TMC1: variants seen among roughly 807,000 people sequenced by gnomAD.
TMC1 encodes the protein transmembrane channel-like protein 1.
A neutral mutation model predicts 105.8 loss-of-function variants in TMC1; 84 were observed. The ratio of observed to expected loss-of-function variants is 0.79; its 90% CI spans 0.67 to 0.95. The LOEUF (loss-of-function observed/expected upper bound fraction) is 0.95. Among genes scored for constraint, TMC1 ranks in the 40% least tolerant of loss-of-function variants. TMC1 has a pLI of 0.00. For missense variants in TMC1, 817 were observed against 914.1 expected, an observed-to-expected ratio of 0.89 and a Z score of 1.37; for synonymous variants, 315 against 311.5, an observed-to-expected ratio of 1.01 and a Z score of -0.12.
At chr9:72,680,049 T>C (rs79574979) in intron 5 of TMC1, among the ~76,000 whole-genome samples, 5,263 of 152,212 alleles carry the variant, frequency 0.035, 125 homozygotes, top group Admixed American at 0.064. Context: ...CTCAATCACA[T>C]TTAATTTCAC....
chr9:72,659,133 T>G (rs1825930813), intron 5 of TMC1, among the ~76,000 whole-genome samples: 1 of 152,200 alleles, frequency 6.6e-6, no homozygotes, highest in Non-Finnish European at 1.5e-5. Flanking sequence ...CCTCAGTTCC[T>G]GGCATGAGTA....
chr9:72,576,633 C>CT (rs56821184), intron 1 of TMC1, among the ~76,000 whole-genome samples: 38,220 of 113,274 alleles, frequency 0.34, 6,265 homozygotes, highest in African/African-American at 0.48. Flanking sequence ...TTTTTTTTTT[C>CT]TTTTTTTTTT....
At chr9:72,797,713 T>G (rs1479560029) in intron 17 of TMC1, among the ~76,000 whole-genome samples, 1 of 152,212 alleles carries the variant, frequency 6.6e-6, no homozygotes, top group South Asian at 2.1e-4. Context: ...GTATAAAAAT[T>G]AACTCAAGAT....
chr9:72,694,416 A>G (rs924604750), intron 6 of TMC1, 127 bp from the exon 7 acceptor site: 8 of 769,788 alleles, frequency 1.0e-5, no homozygotes, highest in African/African-American at 6.9e-5. Context: ...GCATCCCATC[A>G]CGATGTGGAG....
At chr9:72,651,917 T>C (rs1384550464) in intron 5 of TMC1, among the ~76,000 whole-genome samples, 1 of 151,910 alleles carries the variant, frequency 6.6e-6, no homozygotes, top group Non-Finnish European at 1.5e-5. Flanking sequence ...CCCCCATCCT[T>C]TCCCTTGACT....
At chr9:72,549,971 C>T (rs1823833810) in intron 1 of TMC1, among the ~76,000 whole-genome samples, 2 of 151,686 alleles carry the variant, frequency 1.3e-5, no homozygotes, top group East Asian at 2.0e-4. Context: ...TGGTCTCGAG[C>T]TCCGGACCTC....
At chr9:72,705,891 A>G (rs910756433) in intron 8 of TMC1, among the ~76,000 whole-genome samples, 2 of 152,164 alleles carry the variant, frequency 1.3e-5, no homozygotes, top group Non-Finnish European at 2.9e-5. Context: ...GGAGTTGTCC[A>G]TTGGCTGGCT....
At chr9:72,643,375 CT>C (rs1289532648) in intron 4 of TMC1, among the ~76,000 whole-genome samples, 1 of 152,034 alleles carries the variant, frequency 6.6e-6, no homozygotes, top group East Asian at 1.9e-4. Flanking sequence ...ACTACACATA[CT>C]CATTTACAAC....
At chr9:72,680,119 T>C (rs1199150572) in intron 5 of TMC1, among the ~76,000 whole-genome samples, 4 of 152,086 alleles carry the variant, frequency 2.6e-5, no homozygotes, top group Non-Finnish European at 5.9e-5. Context: ...TAGTCTAAGA[T>C]AGAGATGGCT....
At position 72,695,607 on chromosome 9, in the gene TMC1, A is replaced by G. The variant is rs1826536887; in HGVS notation, c.236+893A>G. 2.6e-5 allele frequency among the ~76,000 whole-genome samples: 4 copies of G among 152,280 alleles called. 1 individual carries two copies. The South Asian group carries it at 8.3e-4, about 32-fold the overall frequency. ...CTCCTAGGACTTTGAAGCATGAGGA[A>G]CTTTCTAAGATGTCCTCCCAAGATG... On this transcript the variant is annotated intron_variant, in intron 7 of 23. Transcript: ENST00000297784.
intron 5 of TMC1, among the ~76,000 whole-genome samples, chr9:72,652,107 G>A (rs1462428110): frequency 2.0e-5 from 3 of 152,160 alleles, no homozygotes; most frequent in Admixed American, 6.5e-5. Context: ...CATTGTTGTA[G>A]GAGGGAGGTG....
chr9:72,798,928 A>G (rs1326649275), intron 17 of TMC1, among the ~76,000 whole-genome samples: 3 of 152,152 alleles, frequency 2.0e-5, no homozygotes, highest in African/African-American at 7.2e-5. Context: ...CTTAAAAGAA[A>G]AAAAATACTA....
chr9:72,629,729 G>A (rs974161925), intron 4 of TMC1, among the ~76,000 whole-genome samples: 1 of 152,186 alleles, frequency 6.6e-6, no homozygotes, highest in African/African-American at 2.4e-5. Flanking sequence ...GTGGTTATGT[G>A]TGGCAGACTA....
chr9:72,681,701 CG>C (rs1826289951), intron 5 of TMC1, among the ~76,000 whole-genome samples: 2 of 151,950 alleles, frequency 1.3e-5, no homozygotes, highest in Admixed American at 1.3e-4. Flanking sequence ...CTCCTTCTTA[CG>C]TATATAAAAA....
Position 72,586,370 on chromosome 9 carries a change from A to G in TMC1, c.-306+8347A>G, listed in dbSNP as rs568655446. Among the ~76,000 whole-genome samples the G allele has an allele frequency of 2.0e-5, 3 of 152,286 alleles. No individual in the cohort carries two copies. The South Asian group carries it at 6.2e-4, about 32-fold the overall frequency. ...TTCTGTCTCTTCCACAAGATTTAGG[A>G]CAAGATGGATTTCTGTGTCAGCATG... is the stretch of plus-strand genomic sequence containing the variant. On this transcript the variant is annotated intron_variant, in intron 2 of 23. Transcript: ENST00000297784.
chr9:72,646,641 TA>T (rs1825715468), intron 4 of TMC1, among the ~76,000 whole-genome samples: 1 of 151,726 alleles, frequency 6.6e-6, no homozygotes, highest in Middle Eastern at 3.4e-3. Flanking sequence ...TTTATTTATT[TA>T]TTTTTTTTTG....
At chr9:72,547,156 G>A (rs1430656428) in intron 1 of TMC1, among the ~76,000 whole-genome samples, 7 of 152,026 alleles carry the variant, frequency 4.6e-5, no homozygotes, top group African/African-American at 1.4e-4. Flanking sequence ...GTGCGTTGGC[G>A]TGCGCCTGTA....
intron 1 of TMC1, among the ~76,000 whole-genome samples, chr9:72,534,955 TA>T (rs1198804820): frequency 6.6e-6 from 1 of 152,166 alleles, no homozygotes; most frequent in Non-Finnish European, 1.5e-5. Context: ...TCATGATCAC[TA>T]CTCTTACTTC....
At chr9:72,601,187 C>G (rs201289223) in intron 2 of TMC1, among the ~76,000 whole-genome samples, 11 of 110,454 alleles carry the variant, frequency 1.0e-4, no homozygotes, top group South Asian at 3.0e-4. Flanking sequence ...CACACACACA[C>G]ACACACAGAC....
Sources: gnomAD v4.1 joint callset for allele counts (sites outside exome capture counted in the v4.1 genomes callset) on GRCh38, gnomAD v4.1.1 for gene constraint, MANE v1.5 for transcripts, NCBI Gene and HGNC (gene_info 2026-07-23, HGNC 2026-07-21) for gene names.